GPAM: variants seen among roughly 807,000 people sequenced by gnomAD.
GPAM encodes the protein glycerol-3-phosphate acyltransferase, mitochondrial.
In GPAM, 56 loss-of-function variants were observed where a neutral mutation model predicts 105.0. That is an observed-to-expected ratio of 0.53 (90% CI 0.43 to 0.67). GPAM has a LOEUF of 0.67. Among genes scored for constraint, GPAM ranks in the 30% least tolerant of loss-of-function variants. GPAM has a pLI of 0.00. For missense variants in GPAM, 855 were observed against 989.8 expected, an observed-to-expected ratio of 0.86 and a Z score of 1.83; for synonymous variants, 368 against 354.4, an observed-to-expected ratio of 1.04 and a Z score of -0.43.
At chr10:112,176,635 T>G (rs977591331) in intron 5 of GPAM, among the ~76,000 whole-genome samples, 1 of 152,180 alleles carries the variant, frequency 6.6e-6, no homozygotes, top group Non-Finnish European at 1.5e-5. Context: ...CCCAATATAT[T>G]AAATGTTAAT....
intron 1 of GPAM, chr10:112,214,235 G>A (rs527968153): frequency 6.6e-6 from 1 of 152,324 alleles, no homozygotes; most frequent in South Asian, 2.1e-4. Flanking sequence ...CACAAAGAGT[G>A]GAGAGAGGAA....
chr10:112,187,538 C>T (rs1468711471), upstream of GPAM, among the ~76,000 whole-genome samples: 2 of 152,042 alleles, frequency 1.3e-5, no homozygotes, highest in East Asian at 3.9e-4. Context: ...TCCTCTAATA[C>T]AGCACTTCAA....
At chr10:112,171,772 C>G (rs916972609) in intron 9 of GPAM, among the ~76,000 whole-genome samples, 2 of 152,210 alleles carry the variant, frequency 1.3e-5, no homozygotes, top group African/African-American at 4.8e-5. Flanking sequence ...TCTAGCTCTA[C>G]TAAATTATGA....
chr10:112,181,539 T>TTA, intron 3 of GPAM, 144 bp downstream of exon 3: 1 of 664,418 alleles, frequency 1.5e-6, no homozygotes, highest in East Asian at 2.8e-5. Context: ...ATAAAATTTT[T>TTA]TATTAGGCTT....
At chr10:112,181,060 G>C (rs968600897) in intron 3 of GPAM, among the ~76,000 whole-genome samples, 6 of 151,834 alleles carry the variant, frequency 4.0e-5, no homozygotes, top group Non-Finnish European at 5.9e-5. Flanking sequence ...TTAAAGACCA[G>C]AACTTAAATT....
chr10:112,164,470 G>T lies in GPAM; in HGVS notation c.1307+55C>A, dbSNP rs1407941604. 3.3e-6 allele frequency: 3 copies of T among 918,616 alleles called. No homozygotes were observed. The East Asian group carries it at 7.2e-5, about 22-fold the overall frequency. 56.9% of individuals were successfully genotyped at this position (918,616 alleles called of 1,614,324 possible). On this transcript the variant is annotated intron_variant, in intron 13 of 21. Transcript: ENST00000348367. ...AATAAGGTTAATCTATGCAATACAA[G>T]AAATAACAGATGTTTGGTAGCTTGA...
Position 112,153,185 on chromosome 10 carries a change from C to T in GPAM, c.*365G>A. 1 of 1,105,510 alleles carries T rather than the reference C, an allele frequency of 9.0e-7. No individual in the cohort carries two copies. The highest frequency in any genetic ancestry group is 1.1e-6 in the Non-Finnish European group (1 of 898,996). The allele number at this position is 1,105,510 out of a possible 1,614,324, so 68.5% of individuals were successfully genotyped here. A position where few individuals can be genotyped will look rare whatever the true frequency, so the allele number is the denominator to read the frequency against. ...AGCACTAAGTATACCATGTAAGATTCAGTTCCAGAACACAGCTACATTTCT... is the reference window on the plus strand; with the variant it reads ...AGCACTAAGTATACCATGTAAGATTTAGTTCCAGAACACAGCTACATTTCT... On this transcript the variant is annotated 3_prime_UTR_variant, in exon 22 of 22. Coordinates refer to ENST00000348367, the MANE Select transcript of GPAM (RefSeq NM_001244949.2).
intron 7 of GPAM, 73 bp from the exon 8 acceptor site, chr10:112,173,139 T>A: frequency 1.1e-6 from 1 of 873,192 alleles, no homozygotes; most frequent in South Asian, 1.3e-5. Flanking sequence ...CACATACAGT[T>A]GACTTCTGTC....
At chr10:112,173,989 C>A in intron 6 of GPAM, 144 bp from the exon 7 acceptor site, 1 of 702,046 alleles carries the variant, frequency 1.4e-6, no homozygotes, top group Non-Finnish European at 2.5e-6. Context: ...TAAGCTCAAG[C>A]TAGAAGTGCT....
chr10:112,168,659 A>G, intron 10 of GPAM, 135 bp from the exon 11 acceptor site: 1 of 730,800 alleles, frequency 1.4e-6, no homozygotes. Flanking sequence ...ATTCACACTA[A>G]TAAAACAGCT....
At chr10:112,163,157 G>A (rs1413548762) in intron 14 of GPAM, among the ~76,000 whole-genome samples, 6 of 152,210 alleles carry the variant, frequency 3.9e-5, no homozygotes, top group African/African-American at 1.4e-4. Context: ...TGGTCCTGCA[G>A]TGAACTCACA....
Position 112,168,527 on chromosome 10 carries a change from G to A in GPAM, c.895-3C>T, listed in dbSNP as rs752447063. 11 of 1,570,252 alleles carry A rather than the reference G, an allele frequency of 7.0e-6. No homozygotes were observed. The highest frequency in any genetic ancestry group is 1.4e-5 in the African/African-American group (1 of 73,972). On this transcript the variant is annotated splice_polypyrimidine_tract_variant and splice_region_variant and intron_variant, in intron 10 of 21. Transcript: ENST00000348367. The stretch of plus-strand genomic sequence containing the variant: ...TGTCGAAGTAATTCAACTATATGCT[G>A]GGATATAAGAAGAAAGTAAAACATA...
intron 3 of GPAM, among the ~76,000 whole-genome samples, chr10:112,181,071 A>G (rs10885314): frequency 0.58 from 87,876 of 151,726 alleles, 25,659 homozygotes; most frequent in South Asian, 0.63. Context: ...AACTTAAATT[A>G]TAGCTATACT....
chr10:112,171,009 A>G (rs1847303930), intron 9 of GPAM, among the ~76,000 whole-genome samples: 1 of 152,194 alleles, frequency 6.6e-6, no homozygotes. Context: ...GACGAAGGCC[A>G]TCTTGTGAAG....
At chr10:112,166,578 A>G in intron 11 of GPAM, 63 bp from the exon 12 acceptor site, 1 of 882,818 alleles carries the variant, frequency 1.1e-6, no homozygotes, top group Non-Finnish European at 1.9e-6. Flanking sequence ...CAAACATTCT[A>G]TTATCCACAG....
chr10:112,155,895 T>G lies in GPAM; in HGVS notation c.2280A>C (p.Ile760=). 6.2e-7 allele frequency: 1 copy of G among 1,606,940 alleles called. No homozygotes were observed. Among genetic ancestry groups the G allele is most frequent in the Non-Finnish European group, 8.5e-7 (1 of 1,173,608 alleles). ...CTGCAACATTTCTTTCTGTTCTGGT[T>G]ATTAGGTATTTGTGCAACTTTTGCA... ...EYLQKLHKYL[I]TRTERNVAVY... The change falls in exon 20 of 22, where the codon ATA becomes ATC. Residue 760 remains isoleucine, a synonymous_variant. Coordinates refer to ENST00000348367, the MANE Select transcript of GPAM (RefSeq NM_001244949.2).
At chr10:112,180,707 G>T in intron 3 of GPAM, 112 bp from the exon 4 acceptor site, 1 of 983,700 alleles carries the variant, frequency 1.0e-6, no homozygotes, top group Non-Finnish European at 1.6e-6. Context: ...GGCATATTCT[G>T]GGTGATTTTC....
chr10:112,155,407 C>T (rs1466112482), intron 20 of GPAM: 3 of 179,366 alleles, frequency 1.7e-5, no homozygotes, highest in South Asian at 1.2e-4. Flanking sequence ...CTACCAAAGC[C>T]GAATATACCC....
At chr10:112,184,157 G>A (rs1036379783), upstream of GPAM, among the ~76,000 whole-genome samples, 4 of 152,136 alleles carry the variant, frequency 2.6e-5, no homozygotes, top group Non-Finnish European at 5.9e-5. Context: ...ATTGCAAATG[G>A]CCATGTTGTG....
Sources: gnomAD v4.1 joint callset for allele counts (sites outside exome capture counted in the v4.1 genomes callset) on GRCh38, gnomAD v4.1.1 for gene constraint, MANE v1.5 for transcripts, NCBI Gene and HGNC (gene_info 2026-07-23, HGNC 2026-07-21) for gene names.